The following NOL10 variants were observed in gnomAD, a reference collection of about 807,000 sequenced individuals.
NOL10 encodes the protein H_NH0074G24.1.
Under a neutral mutation model 103.5 loss-of-function variants are expected in NOL10, and 58 were observed. The observed-to-expected ratio is 0.56, with a 90% CI of 0.45 to 0.70. The LOEUF is 0.70. Ranked by LOEUF, NOL10 falls within the 30% of genes least tolerant of loss-of-function variation. The probability of loss-of-function intolerance (pLI) is 0.00; values close to 1 mark genes in which losing one functional copy is unlikely to be tolerated. For missense variants in NOL10, 763 were observed against 807.3 expected, an observed-to-expected ratio of 0.95 and a Z score of 0.67; for synonymous variants, 287 against 282.5, an observed-to-expected ratio of 1.02 and a Z score of -0.16.
intron 1 of NOL10, among the ~76,000 whole-genome samples, chr2:10,684,912 G>A (rs1294464841): frequency 1.3e-5 from 2 of 152,120 alleles, no homozygotes; most frequent in Non-Finnish European, 2.9e-5. Flanking sequence ...GTAGCTCACC[G>A]AAGGCTCAAA....
At chr2:10,646,370 A>C (rs974035056) in intron 12 of NOL10, among the ~76,000 whole-genome samples, 1 of 152,200 alleles carries the variant, frequency 6.6e-6, no homozygotes, top group African/African-American at 2.4e-5. Context: ...CCTACCAAAC[A>C]AACCACGGAA....
chr2:10,573,351 G>A (rs1467826721), intron 20 of NOL10, among the ~76,000 whole-genome samples: 1 of 151,976 alleles, frequency 6.6e-6, no homozygotes, highest in Admixed American at 6.6e-5. Flanking sequence ...CCGCCACCAC[G>A]CCCGGCTAAT....
At chr2:10,581,287 C>G (rs1407770036) in intron 19 of NOL10, among the ~76,000 whole-genome samples, 1 of 152,148 alleles carries the variant, frequency 6.6e-6, no homozygotes, top group Non-Finnish European at 1.5e-5. Context: ...TCGCATACCC[C>G]CGCTGATCCA....
At chr2:10,585,456 A>C (rs1284858160) in intron 19 of NOL10, among the ~76,000 whole-genome samples, 2 of 152,248 alleles carry the variant, frequency 1.3e-5, no homozygotes, top group Non-Finnish European at 2.9e-5. Context: ...AGATGAAAAC[A>C]TATGCAAAAC....
At chr2:10,645,326 C>A (rs764123162) in intron 12 of NOL10, among the ~76,000 whole-genome samples, 3 of 152,068 alleles carry the variant, frequency 2.0e-5, no homozygotes, top group African/African-American at 7.2e-5. Context: ...AGAGAGAAGA[C>A]ATTTAGATTA....
intron 1 of NOL10, among the ~76,000 whole-genome samples, chr2:10,688,180 T>C (rs189261222): frequency 3.9e-5 from 6 of 152,300 alleles, no homozygotes; most frequent in Non-Finnish European, 7.3e-5. Flanking sequence ...ATCTTCTTTG[T>C]TACCAGGCAA....
At chr2:10,635,069 A>C (rs1489624775) in intron 13 of NOL10, among the ~76,000 whole-genome samples, 1 of 152,166 alleles carries the variant, frequency 6.6e-6, no homozygotes, top group Non-Finnish European at 1.5e-5. Flanking sequence ...AAATAATGAG[A>C]TATCTTGGGA....
chr2:10,603,513 T>C (rs1264896562), intron 14 of NOL10, among the ~76,000 whole-genome samples: 1 of 152,006 alleles, frequency 6.6e-6, no homozygotes, highest in Non-Finnish European at 1.5e-5. Context: ...CAAATTGAAA[T>C]GAGGAGAAGG....
Position 10,689,834 on chromosome 2 carries a change from T to C in NOL10, c.28A>G (p.Lys10Glu), listed in dbSNP as rs1415504177. Residue 10 changes from lysine to glutamate, a missense_variant, in exon 1 of 21, where the codon AAG (lysine) becomes GAG (glutamate). Lys to Glu is a moderately conservative substitution (Grantham distance 56). Coordinates refer to ENST00000381685, the MANE Select transcript of NOL10 (RefSeq NM_024894.4). Reference protein sequence around the residue: MQVSSLNEVKIYSLSCGKSL... With the variant: MQVSSLNEVEIYSLSCGKSL... ...TTGCCGCAGCTGAGGCTGTAAATCT[T>C]CACCTCATTGAGGCTGGAGACCTGC... 5 of 1,608,002 alleles carry C rather than the reference T, an allele frequency of 3.1e-6. No individual in the cohort carries two copies. The highest frequency in any genetic ancestry group is 4.2e-6 in the Non-Finnish European group (5 of 1,177,444).
intron 13 of NOL10, among the ~76,000 whole-genome samples, chr2:10,634,118 G>C (rs886941974): frequency 2.6e-5 from 4 of 152,140 alleles, no homozygotes; most frequent in Non-Finnish European, 4.4e-5. Flanking sequence ...GTGACCAACC[G>C]CACTGGGCCT....
intron 13 of NOL10, among the ~76,000 whole-genome samples, chr2:10,627,405 T>C (rs1040818212): frequency 1.3e-5 from 2 of 152,020 alleles, no homozygotes; most frequent in Non-Finnish European, 2.9e-5. Context: ...AAAATACACA[T>C]CTTCTCACAC....
intron 20 of NOL10, among the ~76,000 whole-genome samples, chr2:10,572,676 G>A (rs1332864020): frequency 2.0e-5 from 3 of 152,184 alleles, no homozygotes; most frequent in Admixed American, 6.5e-5. Context: ...CTAAAAGTAC[G>A]TTATTAAAGC....
At chr2:10,580,178 T>A (rs1288212876) in intron 19 of NOL10, among the ~76,000 whole-genome samples, 1 of 152,210 alleles carries the variant, frequency 6.6e-6, no homozygotes, top group Non-Finnish European at 1.5e-5. Flanking sequence ...GCTTCTTGAG[T>A]GTGACTTCGG....
intron 2 of NOL10, among the ~76,000 whole-genome samples, chr2:10,684,237 T>C (rs959296291): frequency 1.3e-4 from 19 of 150,022 alleles, no homozygotes; most frequent in African/African-American, 2.7e-4. Flanking sequence ...GGTCACACCA[T>C]TGCACTCCAG....
intron 17 of NOL10, among the ~76,000 whole-genome samples, chr2:10,600,527 C>T (rs967305371): frequency 6.6e-6 from 1 of 152,148 alleles, no homozygotes; most frequent in African/African-American, 2.4e-5. Context: ...GGGAAACCAC[C>T]TGTGTTATTT....
intron 17 of NOL10, among the ~76,000 whole-genome samples, chr2:10,598,178 G>C (rs993997027): frequency 1.3e-5 from 2 of 152,146 alleles, no homozygotes; most frequent in Non-Finnish European, 2.9e-5. Context: ...GAGCTCTTTA[G>C]TCCACAAATC....
At chr2:10,625,051 A>C (rs1289908596) in intron 13 of NOL10, among the ~76,000 whole-genome samples, 1 of 152,232 alleles carries the variant, frequency 6.6e-6, no homozygotes, top group Non-Finnish European at 1.5e-5. Flanking sequence ...GATTTCAGCT[A>C]TATGACATTT....
intron 12 of NOL10, among the ~76,000 whole-genome samples, chr2:10,645,917 T>G (rs1679034659): frequency 6.9e-6 from 1 of 144,586 alleles, no homozygotes; most frequent in South Asian, 2.2e-4. Flanking sequence ...ACCAAAAATA[T>G]ATGCACACAA....
chr2:10,618,701 A>G (rs761735127), intron 13 of NOL10, among the ~76,000 whole-genome samples: 10 of 152,184 alleles, frequency 6.6e-5, no homozygotes, highest in Non-Finnish European at 1.3e-4. Context: ...GAGGCCAGAA[A>G]AATCTAAGAA....
Sources: gnomAD v4.1 joint callset for allele counts (sites outside exome capture counted in the v4.1 genomes callset) on GRCh38, gnomAD v4.1.1 for gene constraint, MANE v1.5 for transcripts, NCBI Gene and HGNC (gene_info 2026-07-23, HGNC 2026-07-21) for gene names.